PTH2R: variants seen among roughly 807,000 people sequenced by gnomAD.
PTH2R encodes parathyroid hormone 2 receptor, also known as PTH2 receptor.
In PTH2R, 59 loss-of-function variants were observed where a neutral mutation model predicts 60.3. That is an observed-to-expected ratio of 0.98 (90% CI 0.79 to 1.22). PTH2R has a LOEUF of 1.22. Ranked by LOEUF, PTH2R falls within the 50% of genes most tolerant of loss-of-function variation. The probability of loss-of-function intolerance (pLI) is 0.00; values close to 1 mark genes in which losing one functional copy is unlikely to be tolerated. For synonymous variants in PTH2R, 256 were observed against 243.8 expected (o/e 1.05, Z -0.47); for missense variants, 749 against 682.6 (o/e 1.10, Z -1.08).
At chr2:208,451,173 ACTCT>A (rs146774540) in intron 8 of PTH2R, among the ~76,000 whole-genome samples, 1 of 149,376 alleles carries the variant, frequency 6.7e-6, no homozygotes, top group African/African-American at 2.4e-5. Context: ...CAGTGTTCAT[ACTCT>A]CTCTCTCTCT....
intron 9 of PTH2R, among the ~76,000 whole-genome samples, chr2:208,464,671 C>T (rs532902753): frequency 6.6e-6 from 1 of 152,232 alleles, no homozygotes; most frequent in Admixed American, 6.5e-5. Flanking sequence ...ACTGGGCAGG[C>T]TAGGCTTGGG....
chr2:208,392,519 C>T (rs1208230493), intron 1 of PTH2R, among the ~76,000 whole-genome samples: 1 of 152,120 alleles, frequency 6.6e-6, no homozygotes, highest in Non-Finnish European at 1.5e-5. Flanking sequence ...CAGGGGGAGA[C>T]AAAGAGTTTG....
Position 208,406,963 on chromosome 2 carries a change from G to A in PTH2R, c.-81G>A, listed in dbSNP as rs989773226. On this transcript the variant is annotated 5_prime_UTR_variant, in exon 1 of 13. Transcript: ENST00000272847. Reference sequence around the variant, plus strand: ...TCGTTACTGGCCACAAGTTTGCTCTGGGCCAGCCAAGTTGGCAACTTGGAA... The same window carrying A: ...TCGTTACTGGCCACAAGTTTGCTCTAGGCCAGCCAAGTTGGCAACTTGGAA... The A allele has an allele frequency of 3.2e-6, 4 of 1,237,196 alleles. No individual in the cohort carries two copies. The highest frequency in any genetic ancestry group is 1.6e-5 in the African/African-American group (1 of 64,428). The allele number at this position is 1,237,196 out of a possible 1,614,324, so 76.6% of individuals were successfully genotyped here.
chr2:208,424,927 G>A (rs945421875), intron 1 of PTH2R, among the ~76,000 whole-genome samples: 10 of 152,104 alleles, frequency 6.6e-5, no homozygotes, highest in Non-Finnish European at 1.2e-4. Flanking sequence ...GGAGCATAAC[G>A]AATTTATTTT....
intron 2 of PTH2R, among the ~76,000 whole-genome samples, chr2:208,436,577 C>T (rs957845203): frequency 2.0e-5 from 3 of 152,096 alleles, no homozygotes; most frequent in South Asian, 2.1e-4. Context: ...TGGTGCCCCA[C>T]GGTTCGGGAA....
intron 1 of PTH2R, among the ~76,000 whole-genome samples, chr2:208,396,785 A>G (rs1305235874): frequency 6.6e-6 from 1 of 152,188 alleles, no homozygotes; most frequent in Non-Finnish European, 1.5e-5. Context: ...ATACCATTTG[A>G]CCCAGCGATC....
At chr2:208,492,446 T>C (rs189368136) in intron 12 of PTH2R, among the ~76,000 whole-genome samples, 8 of 152,208 alleles carry the variant, frequency 5.3e-5, no homozygotes, top group African/African-American at 1.9e-4. Flanking sequence ...AGGTGGAGTG[T>C]AAGGGCTCAG....
intron 1 of PTH2R, among the ~76,000 whole-genome samples, chr2:208,362,495 G>T (rs1178522481): frequency 6.6e-6 from 1 of 151,812 alleles, no homozygotes; most frequent in East Asian, 1.9e-4. Flanking sequence ...ATCTAATATA[G>T]ATGTCTCATG....
At chr2:208,413,158 C>CACACACAT (rs1376998781) in intron 1 of PTH2R, among the ~76,000 whole-genome samples, 9 of 152,004 alleles carry the variant, frequency 5.9e-5, no homozygotes, top group African/African-American at 2.2e-4. Context: ...CACACACACA[C>CACACACAT]ACACACACAC....
intron 7 of PTH2R, among the ~76,000 whole-genome samples, chr2:208,447,816 G>T (rs955849205): frequency 1.2e-4 from 18 of 151,776 alleles, no homozygotes; most frequent in Admixed American, 2.0e-4. Flanking sequence ...ATTCAACCAA[G>T]CACATTATTA....
chr2:208,377,130 C>T (rs1406879216), intron 1 of PTH2R, among the ~76,000 whole-genome samples: 1 of 151,996 alleles, frequency 6.6e-6, no homozygotes, highest in African/African-American at 2.4e-5. Context: ...TTGCATGGCC[C>T]TTAATCCATT....
chr2:208,412,967 AC>A (rs1467551162), intron 1 of PTH2R, among the ~76,000 whole-genome samples: 1 of 151,966 alleles, frequency 6.6e-6, no homozygotes, highest in East Asian at 1.9e-4. Context: ...TTTTCCTATG[AC>A]TATTTTCCTG....
In PTH2R at chr2:208,442,404, G is replaced by T; in HGVS notation, c.452G>T (p.Gly151Val). The T allele has an allele frequency of 6.2e-7, 1 of 1,613,510 alleles. No homozygotes were observed. The highest frequency in any genetic ancestry group is 8.5e-7 in the Non-Finnish European group (1 of 1,179,526). ...CGCCTCTATGTAATGTATACCGTTGGCTACTCCATCTCTTTTGGTTCCTTG... is the reference window on the plus strand; with the variant it reads ...CGCCTCTATGTAATGTATACCGTTGTCTACTCCATCTCTTTTGGTTCCTTG... ...FERLYVMYTV[G>V]YSISFGSLAV... Residue 151 changes from glycine to valine, a missense_variant, in exon 5 of 13, where the codon GGC becomes GTC. Physicochemically the swap from Gly to Val is moderately radical, Grantham distance 109. Coordinates refer to ENST00000272847, the MANE Select transcript of PTH2R (RefSeq NM_005048.4).
chr2:208,477,276 A>C (rs1036853134), intron 9 of PTH2R, among the ~76,000 whole-genome samples: 13 of 152,158 alleles, frequency 8.5e-5, no homozygotes, highest in Non-Finnish European at 1.8e-4. Flanking sequence ...AATAAGTGAC[A>C]TTCAGCCTGA....
intron 1 of PTH2R, among the ~76,000 whole-genome samples, chr2:208,418,405 G>A (rs1363897227): frequency 1.3e-5 from 2 of 151,326 alleles, no homozygotes; most frequent in Non-Finnish European, 2.9e-5. Context: ...AATTTTATTA[G>A]TGAGTATAAA....
chr2:208,405,949 A>C (rs1701395190), upstream of PTH2R, among the ~76,000 whole-genome samples: 2 of 152,238 alleles, frequency 1.3e-5, no homozygotes, highest in South Asian at 4.1e-4. Context: ...TGGACTTCCC[A>C]GCCTCCAGAC....
intron 8 of PTH2R, among the ~76,000 whole-genome samples, chr2:208,453,774 A>G (rs942728181): frequency 6.6e-6 from 1 of 152,338 alleles, no homozygotes; most frequent in South Asian, 2.1e-4. Flanking sequence ...TGAGAATAAT[A>G]TTCTTGGCCA....
chr2:208,425,417 C>T (rs756391761), intron 1 of PTH2R, among the ~76,000 whole-genome samples: 8 of 152,158 alleles, frequency 5.3e-5, no homozygotes, highest in Non-Finnish European at 7.4e-5. Flanking sequence ...CACCCCTTTC[C>T]ACAGCAATGA....
upstream of PTH2R, among the ~76,000 whole-genome samples, chr2:208,403,893 A>G (rs1701353341): frequency 6.6e-6 from 1 of 152,200 alleles, no homozygotes; most frequent in South Asian, 2.1e-4. Flanking sequence ...TCCTCACAGC[A>G]TGGTGGCTAA....
Sources: allele counts gnomAD v4.1 joint callset (sites outside exome capture counted in the v4.1 genomes callset), GRCh38; gene constraint gnomAD v4.1.1; transcripts MANE v1.5; gene names NCBI Gene and HGNC (gene_info 2026-07-23, HGNC 2026-07-21).